The following TPTE2 variants were observed in gnomAD, a reference collection of about 807,000 sequenced individuals.
TPTE2 encodes the protein phosphatidylinositol 3,4,5-trisphosphate 3-phosphatase TPTE2.
Under a neutral mutation model 78.6 loss-of-function variants are expected in TPTE2, and 53 were observed. The observed-to-expected ratio is 0.67, with a 90% CI of 0.54 to 0.85. TPTE2 has a LOEUF of 0.85. TPTE2 is among the 40% of genes least tolerant of loss of function. TPTE2 has a pLI of 0.00. For synonymous variants in TPTE2, 175 were observed against 206.2 expected, an observed-to-expected ratio of 0.85 and a Z score of 1.30; for missense variants, 461 against 623.0, an observed-to-expected ratio of 0.74 and a Z score of 2.77.
At chr13:19,473,597 C>CTT (rs34210025) in intron 6 of TPTE2, among the ~76,000 whole-genome samples, 75,724 of 129,158 alleles carry the variant, frequency 0.59, 25,160 homozygotes, top group East Asian at 0.87. Context: ...TTTTAAAATG[C>CTT]TTTTTTTTTT....
chr13:19,463,969 C>A (rs1304964326), intron 10 of TPTE2, among the ~76,000 whole-genome samples: 5 of 152,242 alleles, frequency 3.3e-5, no homozygotes, highest in African/African-American at 9.6e-5. Context: ...GAAGTGCATG[C>A]AGCATATGGT....
intron 1 of TPTE2, among the ~76,000 whole-genome samples, chr13:19,528,247 C>A (rs1020396377): frequency 6.6e-6 from 1 of 151,658 alleles, no homozygotes; most frequent in Non-Finnish European, 1.5e-5. Flanking sequence ...ATTAGCTGGG[C>A]GTGGTGACAG....
intron 10 of TPTE2, among the ~76,000 whole-genome samples, chr13:19,454,504 G>A (rs1207436432): frequency 6.6e-6 from 1 of 152,146 alleles, no homozygotes; most frequent in Non-Finnish European, 1.5e-5. Flanking sequence ...CTTAGATTTG[G>A]GGCTGCACTC....
chr13:19,524,361 T>C (rs1026104235), intron 1 of TPTE2, among the ~76,000 whole-genome samples: 4 of 152,220 alleles, frequency 2.6e-5, no homozygotes, highest in Admixed American at 6.5e-5. Flanking sequence ...ACCATATTCA[T>C]AGTCCAAGAA....
Position 19,436,307 on chromosome 13 carries a change from C to T in TPTE2, c.1036-1G>A. On this transcript the variant is annotated splice_acceptor_variant, in intron 14 of 19. Transcript: ENST00000400230. LOFTEE classifies it high-confidence loss of function. ...TTTCTCCAAAATAATATAGGCTTTC[C>T]TACAAAAAAGGGTACAATCCAACCA... 6.2e-7 allele frequency: 1 copy of T among 1,611,056 alleles called. No homozygotes were observed.
At chr13:19,465,863 A>C (rs1253884317) in intron 7 of TPTE2, among the ~76,000 whole-genome samples, 1 of 152,158 alleles carries the variant, frequency 6.6e-6, no homozygotes, top group African/African-American at 2.4e-5. Flanking sequence ...CTGGCCCAAA[A>C]TGTTGGTAAT....
intron 13 of TPTE2, among the ~76,000 whole-genome samples, chr13:19,440,699 G>A (rs1481242458): frequency 6.6e-6 from 1 of 152,176 alleles, no homozygotes; most frequent in African/African-American, 2.4e-5. Flanking sequence ...GAACCCAGGA[G>A]TCGGAGGTTG....
intron 1 of TPTE2, among the ~76,000 whole-genome samples, chr13:19,501,085 A>C: frequency 3.9e-5 from 1 of 25,668 alleles, no homozygotes; most frequent in African/African-American, 1.6e-4. Context: ...CTAGGAATCC[A>C]ACTTACAAGG....
chr13:19,435,706 C>T (rs1340231793), intron 15 of TPTE2, among the ~76,000 whole-genome samples: 1 of 151,240 alleles, frequency 6.6e-6, no homozygotes, highest in Non-Finnish European at 1.5e-5. Context: ...GTTTATTTCC[C>T]CTTTTATTTT....
intron 1 of TPTE2, among the ~76,000 whole-genome samples, chr13:19,528,109 C>CG (rs1870626162): frequency 6.6e-6 from 1 of 151,636 alleles, no homozygotes; most frequent in Admixed American, 6.6e-5. Flanking sequence ...TGGCCGGGTG[C>CG]GGTGGCTCAC....
chr13:19,506,116 T>C (rs1868999309), upstream of TPTE2, among the ~76,000 whole-genome samples: 1 of 149,834 alleles, frequency 6.7e-6, no homozygotes, highest in African/African-American at 2.4e-5. Flanking sequence ...CATGAGTGTA[T>C]GTTATGTGTA....
In TPTE2 at chr13:19,427,746, C is replaced by T. The variant is rs145201896; in HGVS notation, c.1303-1229G>A. Reference sequence around the variant, plus strand: ...CTTTGAACTTGACCAGTGCAGGCTGCAGGATGGAGTGACCAAAGATAGCTC... The same window carrying T: ...CTTTGAACTTGACCAGTGCAGGCTGTAGGATGGAGTGACCAAAGATAGCTC... On this transcript the variant is annotated intron_variant, in intron 17 of 19. Coordinates refer to ENST00000400230, the Ensembl canonical transcript of TPTE2. 9.6e-3 allele frequency among the ~76,000 whole-genome samples: 1,465 copies of T among 152,218 alleles called. 16 individuals carry two copies. Among genetic ancestry groups the T allele is most frequent in the African/African-American group, 0.034 (1,402 of 41,546 alleles).
chr13:19,537,038 C>T (rs1871253914), upstream of TPTE2, among the ~76,000 whole-genome samples: 1 of 151,404 alleles, frequency 6.6e-6, no homozygotes, highest in African/African-American at 2.4e-5. Flanking sequence ...AAAGTAATAC[C>T]AGCTAACTTT....
chr13:19,471,691 A>C (rs1207233138), intron 6 of TPTE2, among the ~76,000 whole-genome samples: 2 of 152,192 alleles, frequency 1.3e-5, no homozygotes, highest in Non-Finnish European at 2.9e-5. Flanking sequence ...CTCTACTTAG[A>C]ATAAGAGTAG....
intron 1 of TPTE2, among the ~76,000 whole-genome samples, chr13:19,526,683 A>G (rs201421693): frequency 9.9e-5 from 15 of 151,636 alleles, no homozygotes; most frequent in East Asian, 3.9e-4. Flanking sequence ...ATTTACATAT[A>G]TAACAAACCT....
At chr13:19,448,435 G>A (rs906940762) in intron 13 of TPTE2, among the ~76,000 whole-genome samples, 2 of 152,102 alleles carry the variant, frequency 1.3e-5, no homozygotes, top group Non-Finnish European at 2.9e-5. Context: ...TCGATAATAG[G>A]TTAACAGATT....
intron 13 of TPTE2, among the ~76,000 whole-genome samples, chr13:19,448,601 T>TA (rs1322366094): frequency 6.6e-6 from 1 of 152,132 alleles, no homozygotes; most frequent in Non-Finnish European, 1.5e-5. Context: ...AAAAGCAATT[T>TA]AAAACCACAA....
At chr13:19,425,445 T>G (rs373315467) in intron 18 of TPTE2, among the ~76,000 whole-genome samples, 14 of 152,224 alleles carry the variant, frequency 9.2e-5, no homozygotes, top group East Asian at 3.8e-4. Context: ...TCAGTCACCC[T>G]CAGCAGTTTC....
chr13:19,447,702 A>G (rs1051029744), intron 13 of TPTE2, among the ~76,000 whole-genome samples: 12 of 152,166 alleles, frequency 7.9e-5, no homozygotes, highest in African/African-American at 2.4e-4. Context: ...AGCCCACTAA[A>G]AATGTAATTA....
Sources: allele counts gnomAD v4.1 joint callset (sites outside exome capture counted in the v4.1 genomes callset), GRCh38; gene constraint gnomAD v4.1.1; transcripts MANE v1.5; gene names NCBI Gene and HGNC (gene_info 2026-07-23, HGNC 2026-07-21).